Variants in STXBP4 observed in about 807,000 individuals in gnomAD.
STXBP4 encodes syntaxin-binding protein 4.
Under a neutral mutation model 76.1 loss-of-function variants are expected in STXBP4, and 55 were observed. The ratio of observed to expected loss-of-function variants is 0.72; its 90% confidence interval spans 0.58 to 0.91. The LOEUF is 0.91. Ranked by LOEUF, STXBP4 falls within the 40% of genes least tolerant of loss-of-function variation. The pLI, the probability that STXBP4 is intolerant of heterozygous loss-of-function variation, is 0.00. For synonymous variants in STXBP4, 201 were observed against 220.2 expected (o/e 0.91, Z 0.77); for missense variants, 618 against 636.9 (o/e 0.97, Z 0.32).
chr17:55,198,510 A>T, the STXBP4 span, among the ~76,000 whole-genome samples: 1 of 152,216 alleles, frequency 6.6e-6, no homozygotes, highest in Non-Finnish European at 1.5e-5. Context: ...AGAGATTCTC[A>T]ACTAGGGGTG....
At chr17:55,211,799 G>GTT in the STXBP4 span, among the ~76,000 whole-genome samples, 1,767 of 48,826 alleles carry the variant, frequency 0.036, 432 homozygotes, top group African/African-American at 0.049. Context: ...GTTTTTTGTT[G>GTT]TTTTTTTTTT....
chr17:55,077,574 C>G (rs1369473463), intron 13 of STXBP4, among the ~76,000 whole-genome samples: 1 of 152,030 alleles, frequency 6.6e-6, no homozygotes, highest in Non-Finnish European at 1.5e-5. Context: ...TCAGCATATA[C>G]CCTCCGAACA....
At chr17:55,154,130 G>C (rs1053387352) in intron 17 of STXBP4, among the ~76,000 whole-genome samples, 2 of 152,078 alleles carry the variant, frequency 1.3e-5, no homozygotes, top group South Asian at 2.1e-4. Context: ...TGAGACCCAG[G>C]CTCCTCCCAT....
chr17:55,050,664 T>C (rs2078847835), intron 12 of STXBP4, among the ~76,000 whole-genome samples: 1 of 152,070 alleles, frequency 6.6e-6, no homozygotes, highest in Non-Finnish European at 1.5e-5. Flanking sequence ...GAAATGGTAT[T>C]CTTTTTGTTT....
At chr17:55,187,079 G>C in the STXBP4 span, among the ~76,000 whole-genome samples, 1 of 152,230 alleles carries the variant, frequency 6.6e-6, no homozygotes, top group African/African-American at 2.4e-5. Flanking sequence ...AGAGTATTTT[G>C]CAAATCTGTT....
At chr17:55,039,038 A>G (rs148279689) in intron 10 of STXBP4, among the ~76,000 whole-genome samples, 73 of 152,328 alleles carry the variant, frequency 4.8e-4, no homozygotes, top group African/African-American at 1.6e-3. Context: ...CACGAAATAT[A>G]TATTGAACAA....
At chr17:55,042,464 T>C (rs949787115) in intron 10 of STXBP4, among the ~76,000 whole-genome samples, 1 of 152,162 alleles carries the variant, frequency 6.6e-6, no homozygotes, top group Non-Finnish European at 1.5e-5. Context: ...TAAAGGGCCC[T>C]GCTTTAAGCC....
intron 4 of STXBP4, among the ~76,000 whole-genome samples, chr17:54,992,200 G>A (rs1022527569): frequency 2.6e-5 from 4 of 152,014 alleles, no homozygotes; most frequent in African/African-American, 9.7e-5. Context: ...GATTGCTTGA[G>A]CTCAGGAGTT....
intron 1 of STXBP4, among the ~76,000 whole-genome samples, chr17:54,977,891 C>T (rs910356321): frequency 2.0e-5 from 3 of 152,136 alleles, no homozygotes; most frequent in Admixed American, 6.6e-5. Flanking sequence ...AAATAGTAGG[C>T]ATTTCTAACT....
chr17:55,023,725 A>T (rs1279002810), intron 8 of STXBP4, among the ~76,000 whole-genome samples: 5 of 151,996 alleles, frequency 3.3e-5, no homozygotes, highest in Non-Finnish European at 1.5e-5. Flanking sequence ...GAGAGGAGGG[A>T]TGGAAATCTC....
At chr17:55,068,062 G>A (rs1458517955) in intron 12 of STXBP4, among the ~76,000 whole-genome samples, 4 of 152,014 alleles carry the variant, frequency 2.6e-5, no homozygotes, top group African/African-American at 9.7e-5. Context: ...TCCATTGAAA[G>A]GTATATTATA....
intron 12 of STXBP4, 96 bp from the exon 13 acceptor site, chr17:55,072,804 G>T: frequency 9.8e-7 from 1 of 1,019,320 alleles, no homozygotes; most frequent in Non-Finnish European, 1.4e-6. Flanking sequence ...TTGACTTTTT[G>T]GAATTATAAC....
At chr17:55,097,019 A>G (rs1037156336) in intron 16 of STXBP4, among the ~76,000 whole-genome samples, 18 of 152,220 alleles carry the variant, frequency 1.2e-4, no homozygotes, top group Admixed American at 1.2e-3. Flanking sequence ...ATGAAAAAAA[A>G]TGAAGATGTA....
chr17:55,097,871 T>C (rs1250609360), intron 16 of STXBP4, among the ~76,000 whole-genome samples: 1 of 152,006 alleles, frequency 6.6e-6, no homozygotes, highest in East Asian at 1.9e-4. Flanking sequence ...CTGAGTCTCA[T>C]TTTTTTTCAT....
At chr17:55,042,160 C>G (rs544846301) in intron 10 of STXBP4, among the ~76,000 whole-genome samples, 88 of 152,192 alleles carry the variant, frequency 5.8e-4, no homozygotes, top group African/African-American at 2.1e-3. Flanking sequence ...GTTTGGAAAG[C>G]AAATATGAGT....
intron 16 of STXBP4, among the ~76,000 whole-genome samples, chr17:55,102,912 G>T (rs144025016): frequency 6.6e-6 from 1 of 152,092 alleles, no homozygotes; most frequent in South Asian, 2.1e-4. Context: ...TTTTTTGACC[G>T]CATAAATGTC....
intron 4 of STXBP4, 175 bp downstream of exon 4, chr17:54,991,132 T>G (rs984705845): frequency 6.1e-6 from 3 of 492,372 alleles, no homozygotes; most frequent in Non-Finnish European, 9.5e-6. Flanking sequence ...AACTAAGAAA[T>G]AAATAGGTTC....
At chr17:55,157,506 A>G (rs2080292531) in intron 17 of STXBP4, among the ~76,000 whole-genome samples, 1 of 152,244 alleles carries the variant, frequency 6.6e-6, no homozygotes, top group African/African-American at 2.4e-5. Context: ...TTAAAGAGAT[A>G]TTAGTAATGT....
chr17:55,101,754 TA>T, intron 16 of STXBP4, among the ~76,000 whole-genome samples: 1 of 152,310 alleles, frequency 6.6e-6, no homozygotes. Flanking sequence ...CTTTTGTAAA[TA>T]AAAGGAGCTT....
Sources: allele counts gnomAD v4.1 joint callset (sites outside exome capture counted in the v4.1 genomes callset), GRCh38; gene constraint gnomAD v4.1.1; transcripts MANE v1.5; gene names NCBI Gene and HGNC (gene_info 2026-07-23, HGNC 2026-07-21).